Variants in DST observed in about 807,000 individuals in gnomAD.
DST encodes dystonin, also known as bullous pemphigoid antigen.
DST carries 253 observed loss-of-function variants against 875.2 expected under a neutral mutation model. The ratio of observed to expected loss-of-function variants is 0.29; its 90% CI spans 0.26 to 0.32. DST has a LOEUF of 0.32. DST is among the 10% of genes least tolerant of loss of function. The pLI, the probability that DST is intolerant of heterozygous loss-of-function variation, is 1.00. For synonymous variants in DST, 3,124 were observed against 3,197.1 expected (o/e 0.98, Z 0.77); for missense variants, 8,287 against 9,111.6 (o/e 0.91, Z 3.68).
chr6:56,843,154 T>C, intron 4 of DST: 2 of 1,561,216 alleles, frequency 1.3e-6, no homozygotes, highest in Non-Finnish European at 1.7e-6. Context: ...ATGCCGAAGT[T>C]TATCTAAGCG....
At chr6:56,924,343 T>C (rs780622189) in intron 2 of DST, among the ~76,000 whole-genome samples, 31 of 152,200 alleles carry the variant, frequency 2.0e-4, no homozygotes, top group Non-Finnish European at 3.5e-4. Flanking sequence ...CCCTATCAGA[T>C]AGCTCTCCCT....
At position 56,872,395 on chromosome 6, in the gene DST, A is replaced by C. The variant is rs567628484; in HGVS notation, c.418-20791T>G. Among the ~76,000 whole-genome samples the C allele has an allele frequency of 9.9e-4, 150 of 152,282 alleles. 1 individual carries two copies. The highest frequency in any genetic ancestry group is 8.5e-3 in the South Asian group (41 of 4,828). On this transcript the variant is annotated intron_variant, in intron 3 of 103. Coordinates refer to ENST00000680361, the MANE Select transcript of DST (RefSeq NM_001374736.1). The stretch of plus-strand genomic sequence containing the variant: ...TTTTAAGCTAGGCGCAGTGGCTCAT[A>C]CCTGTAGTCACAGCTACTCAAGAGG...
intron 50 of DST, among the ~76,000 whole-genome samples, chr6:56,577,232 A>G (rs1030776507): frequency 9.2e-5 from 14 of 152,190 alleles, no homozygotes; most frequent in African/African-American, 2.7e-4. Context: ...ACACTTAACA[A>G]TAAGAAAAAA....
chr6:56,615,543 T>C, intron 36 of DST: 1 of 1,614,110 alleles, frequency 6.2e-7, no homozygotes. Context: ...AGGCTAGAAA[T>C]TCCTGTCATC....
chr6:56,467,127 A>T (rs2094613763), intron 98 of DST: 1 of 152,218 alleles, frequency 6.6e-6, no homozygotes, highest in South Asian at 2.1e-4. Flanking sequence ...AAAAACTACC[A>T]GACTGAATTT....
At position 56,527,597 on chromosome 6, in the gene DST, C is replaced by G. The variant is rs781309362; in HGVS notation, c.17818G>C (p.Glu5940Gln). The change falls in exon 68 of 104, where the codon GAA (glutamate) becomes CAA (glutamine). Residue 5940 changes from glutamate to glutamine, a missense_variant. Transcript: ENST00000680361. ...TTGTCCAGCCAGGTACACAGCTCTT[C>G]GTGTGTGGAGTGCAGCCGCCTTGCA... Reference protein sequence around the residue: ...QLARRLHSTHEELCTWLDKVE... With the variant: ...QLARRLHSTHQELCTWLDKVE... 2 of 1,613,824 alleles carry G rather than the reference C, an allele frequency of 1.2e-6. No individual in the cohort carries two copies. The highest frequency in any genetic ancestry group is 2.2e-5 in the South Asian group (2 of 91,080).
At chr6:56,565,112 CTTTTTTT>C (rs1157403022) in intron 55 of DST, among the ~76,000 whole-genome samples, 1 of 134,482 alleles carries the variant, frequency 7.4e-6, no homozygotes, top group Non-Finnish European at 1.6e-5. Flanking sequence ...TTTCTCTTTT[CTTTTTTT>C]TTTTTCTTTT....
At chr6:56,511,433 A>C in intron 72 of DST, 33 bp from the exon 73 acceptor site, 7 of 1,546,208 alleles carry the variant, frequency 4.5e-6, no homozygotes, top group Non-Finnish European at 5.3e-6. Flanking sequence ...TCAGTATCTC[A>C]GGGTCACACC....
chr6:56,730,117 A>G (rs2099491380), intron 5 of DST, among the ~76,000 whole-genome samples: 1 of 152,208 alleles, frequency 6.6e-6, no homozygotes, highest in Non-Finnish European at 1.5e-5. Flanking sequence ...GCTGATCAGT[A>G]TTGAAGAATA....
At chr6:56,713,231 A>T (rs1280465579) in intron 5 of DST, among the ~76,000 whole-genome samples, 11 of 152,210 alleles carry the variant, frequency 7.2e-5, no homozygotes, top group Admixed American at 6.5e-4. Flanking sequence ...TGGGAAGAGA[A>T]GCATCAGAAA....
At chr6:56,522,077 A>G (rs2096718134) in intron 69 of DST, among the ~76,000 whole-genome samples, 1 of 151,702 alleles carries the variant, frequency 6.6e-6, no homozygotes, top group Admixed American at 6.6e-5. Flanking sequence ...GGAATTTTCT[A>G]AAAGTTAGTG....
intron 10 of DST, among the ~76,000 whole-genome samples, chr6:56,665,049 A>G (rs577384032): frequency 2.0e-5 from 3 of 152,228 alleles, no homozygotes; most frequent in Non-Finnish European, 4.4e-5. Context: ...ACCCCATTAC[A>G]TAATCCAGGC....
chr6:56,820,468 A>G (rs1361387406), intron 4 of DST, among the ~76,000 whole-genome samples: 1 of 152,204 alleles, frequency 6.6e-6, no homozygotes, highest in Non-Finnish European at 1.5e-5. Context: ...GATAATAAAT[A>G]TTCAAAACTC....
At chr6:56,823,125 C>A (rs1382692643) in intron 4 of DST, among the ~76,000 whole-genome samples, 2 of 152,190 alleles carry the variant, frequency 1.3e-5, no homozygotes, top group South Asian at 2.1e-4. Context: ...TGAGCCTACA[C>A]TATCTCTAAA....
At position 56,620,680 on chromosome 6, in the gene DST, T is replaced by C; in HGVS notation, c.4929+3850A>G. 1.9e-6 allele frequency: 3 copies of C among 1,614,146 alleles called. No individual in the cohort carries two copies. The highest frequency in any genetic ancestry group is 2.5e-6 in the Non-Finnish European group (3 of 1,180,036). On this transcript the variant is annotated intron_variant, in intron 36 of 103. Coordinates refer to ENST00000680361, the MANE Select transcript of DST (RefSeq NM_001374736.1). ...TCTGACGCTGAAGCAGATCTGAATA[T>C]GCCCCATGTTCAGAAGTCTCCTTAC... is the stretch of plus-strand genomic sequence containing the variant.
At position 56,492,882 on chromosome 6, in the gene DST, A is replaced by C. The variant is rs2095798131; in HGVS notation, c.20550+52T>G. The C allele has an allele frequency of 3.5e-6, 5 of 1,422,128 alleles. No individual in the cohort carries two copies. In the East Asian group the frequency reaches 1.2e-4, roughly 35 times the overall value. The allele number at this position is 1,422,128 out of a possible 1,614,324, so 88.1% of individuals were successfully genotyped here. A position where few individuals can be genotyped will look rare whatever the true frequency, so the allele number is the denominator to read the frequency against. The stretch of plus-strand genomic sequence containing the variant: ...TGAGACTCAGTCTCAAAAAAAAAAA[A>C]AAAAGCCTGGTGTCTGAAAAGAGAA... On this transcript the variant is annotated intron_variant, in intron 84 of 103. Transcript: ENST00000680361.
intron 2 of DST, among the ~76,000 whole-genome samples, chr6:56,930,772 A>G (rs1809765861): frequency 6.6e-6 from 1 of 152,236 alleles, no homozygotes; most frequent in Non-Finnish European, 1.5e-5. Context: ...TGAAAAAGCA[A>G]TAAAATATTC....
At position 56,527,634 on chromosome 6, in the gene DST, C is replaced by T; in HGVS notation, c.17781G>A (p.Gln5927=). The change falls in exon 68 of 104, where the codon CAG becomes CAA. Residue 5927 remains glutamine, a synonymous_variant. Transcript: ENST00000680361. The stretch of plus-strand genomic sequence containing the variant: ...GCAGCCGCCTTGCAAGCTGCAGCGC[C>T]TGTTCCAGAGTCTTGGCCACATCAG... ...LSTDVAKTLE[Q]ALQLARRLHS... The T allele has an allele frequency of 6.2e-7, 1 of 1,613,842 alleles. No homozygotes were observed. The highest frequency in any genetic ancestry group is 8.5e-7 in the Non-Finnish European group (1 of 1,179,846).
chr6:56,566,598 T>C (rs2097683506), intron 55 of DST, among the ~76,000 whole-genome samples: 1 of 152,206 alleles, frequency 6.6e-6, no homozygotes, highest in South Asian at 2.1e-4. Flanking sequence ...ACCCGCCTTC[T>C]GCATTGATTT....
Sources: gnomAD v4.1 joint callset for allele counts (sites outside exome capture counted in the v4.1 genomes callset) on GRCh38, gnomAD v4.1.1 for gene constraint, MANE v1.5 for transcripts, NCBI Gene and HGNC (gene_info 2026-07-23, HGNC 2026-07-21) for gene names.